The following AIM2 variants were observed in gnomAD, a reference collection of about 807,000 sequenced individuals.
The protein encoded by AIM2 is interferon-inducible protein AIM2.
AIM2 carries 30 observed loss-of-function variants against 27.7 expected under a neutral mutation model. The observed-to-expected ratio is 1.08, with a 90% confidence interval of 0.81 to 1.47. The LOEUF is 1.47. AIM2 is among the 40% of genes most tolerant of loss of function. AIM2 has a pLI of 0.00. For synonymous variants in AIM2, 141 were observed against 145.3 expected (o/e 0.97, Z 0.21); for missense variants, 358 against 411.3 (o/e 0.87, Z 1.12).
chr1:159,072,015 A>G lies in AIM2; in HGVS notation c.262+1223T>C, dbSNP rs1656382193. On this transcript the variant is annotated intron_variant, in intron 2 of 5. Transcript: ENST00000368130. ...AAATTTTGTTCTATCCTGGTCAAAGAGAAGAATTAATTCTTGATTTATTAC... is the reference window on the plus strand; with the variant it reads ...AAATTTTGTTCTATCCTGGTCAAAGGGAAGAATTAATTCTTGATTTATTAC... 2.0e-5 allele frequency among the ~76,000 whole-genome samples: 3 copies of G among 152,336 alleles called. No homozygotes were observed. The South Asian group carries it at 6.2e-4, about 32-fold the overall frequency.
At chr1:159,126,478 T>C (rs985439653) in intron 1 of AIM2, among the ~76,000 whole-genome samples, 3 of 151,874 alleles carry the variant, frequency 2.0e-5, no homozygotes, top group African/African-American at 7.3e-5. Context: ...AAACCCTGTC[T>C]CTACTAAAAA....
chr1:159,077,244 CG>C (rs1200412596), upstream of AIM2, among the ~76,000 whole-genome samples: 1 of 152,170 alleles, frequency 6.6e-6, no homozygotes, highest in Non-Finnish European at 1.5e-5. Flanking sequence ...ATGTGGTTCA[CG>C]TACTATATGA....
intron 2 of AIM2, 61 bp downstream of exon 2, chr1:159,073,177 A>G: frequency 1.9e-6 from 3 of 1,595,118 alleles, no homozygotes; most frequent in Non-Finnish European, 1.7e-6. Flanking sequence ...GGATGCCATG[A>G]AAGGAAAGGC....
At chr1:159,125,877 T>C (rs1265927534) in intron 1 of AIM2, among the ~76,000 whole-genome samples, 2 of 152,132 alleles carry the variant, frequency 1.3e-5, no homozygotes, top group Non-Finnish European at 2.9e-5. Context: ...CATCCAGATT[T>C]CCATGACCTT....
At chr1:159,092,632 A>C (rs1657073084) in intron 1 of AIM2, among the ~76,000 whole-genome samples, 1 of 152,188 alleles carries the variant, frequency 6.6e-6, no homozygotes, top group South Asian at 2.1e-4. Flanking sequence ...GGGAATAGGA[A>C]CAATTGTACC....
chr1:159,103,492 T>C (rs1265185594), intron 1 of AIM2, among the ~76,000 whole-genome samples: 1 of 152,056 alleles, frequency 6.6e-6, no homozygotes, highest in Non-Finnish European at 1.5e-5. Context: ...TCCAGGTCAA[T>C]CTGGAGAGAC....
intron 1 of AIM2, among the ~76,000 whole-genome samples, chr1:159,113,771 C>A (rs1647254588): frequency 6.6e-6 from 1 of 152,060 alleles, no homozygotes; most frequent in African/African-American, 2.4e-5. Flanking sequence ...CAGGGATGAC[C>A]ATGTATTTTG....
intron 1 of AIM2, among the ~76,000 whole-genome samples, chr1:159,101,596 T>G (rs1363261185): frequency 1.3e-5 from 2 of 152,188 alleles, no homozygotes; most frequent in African/African-American, 4.8e-5. Flanking sequence ...GTTTGGAACT[T>G]GCTAGAGACT....
downstream of AIM2, among the ~76,000 whole-genome samples, chr1:159,058,241 TG>T (rs1377465625): frequency 6.6e-6 from 1 of 151,538 alleles, no homozygotes; most frequent in African/African-American, 2.4e-5. Flanking sequence ...CCCAGCTACT[TG>T]GGAGGCTAAG....
At chr1:159,059,417 T>A (rs1187486971), downstream of AIM2, among the ~76,000 whole-genome samples, 1 of 152,184 alleles carries the variant, frequency 6.6e-6, no homozygotes, top group Non-Finnish European at 1.5e-5. Context: ...ATACTGAAGT[T>A]CAGAGAGATT....
At chr1:159,100,458 G>A (rs1189357695) in intron 1 of AIM2, among the ~76,000 whole-genome samples, 1 of 152,120 alleles carries the variant, frequency 6.6e-6, no homozygotes, top group Admixed American at 6.5e-5. Context: ...GAAAGAAAGA[G>A]TGCATGAAAT....
chr1:159,125,386 T>C (rs1647658395), intron 1 of AIM2, among the ~76,000 whole-genome samples: 2 of 152,362 alleles, frequency 1.3e-5, no homozygotes, highest in Non-Finnish European at 2.9e-5. Flanking sequence ...ACATTTCTCC[T>C]ACTAGAATGT....
rs537234186 is a variant in AIM2 at position 159,126,878 on chromosome 1, T to C, written c.-16+13553A>G. Among the ~76,000 whole-genome samples, 23 of 152,280 alleles carry C rather than the reference T, an allele frequency of 1.5e-4. No individual in the cohort carries two copies. In the East Asian group the frequency reaches 4.1e-3, roughly 27 times the overall value. On this transcript the variant is annotated intron_variant, in intron 1 of 2. Coordinates refer to the AIM2 transcript ENST00000368129. ...TCAAAGGCAGAATGCATTAATACAT[T>C]GTGTTATACTCACACCATGGAGCAT...
downstream of AIM2, among the ~76,000 whole-genome samples, chr1:159,059,100 G>A (rs780946308): frequency 6.6e-6 from 1 of 152,184 alleles, no homozygotes; most frequent in African/African-American, 2.4e-5. Context: ...GAAAAGAGAC[G>A]TTAAAGTTTA....
At chr1:159,074,735 A>G (rs1377082981) in intron 1 of AIM2, among the ~76,000 whole-genome samples, 2 of 152,180 alleles carry the variant, frequency 1.3e-5, no homozygotes, top group Admixed American at 6.5e-5. Context: ...AATAGCAACA[A>G]AACTACAAAG....
At chr1:159,087,069 A>G (rs980829910) in intron 1 of AIM2, among the ~76,000 whole-genome samples, 1 of 152,240 alleles carries the variant, frequency 6.6e-6, no homozygotes, top group African/African-American at 2.4e-5. Flanking sequence ...ATTTAAATAC[A>G]TAATGAAAAA....
chr1:159,112,000 C>T (rs1657587731), intron 1 of AIM2, among the ~76,000 whole-genome samples: 2 of 151,686 alleles, frequency 1.3e-5, no homozygotes, highest in African/African-American at 4.9e-5. Context: ...CAAGATTGCC[C>T]CACTGCACTC....
At chr1:159,139,467 A>G (rs766998210) in intron 1 of AIM2, among the ~76,000 whole-genome samples, 3 of 152,210 alleles carry the variant, frequency 2.0e-5, no homozygotes, top group Non-Finnish European at 4.4e-5. Context: ...ATATTTGCAC[A>G]GTGCTGTACA....
intron 1 of AIM2, among the ~76,000 whole-genome samples, chr1:159,106,832 C>T (rs549554821): frequency 6.6e-6 from 1 of 152,360 alleles, no homozygotes; most frequent in Admixed American, 6.5e-5. Flanking sequence ...TCTCTGGGCT[C>T]TGTTTCCTCA....
Sources: gnomAD v4.1 joint callset for allele counts (sites outside exome capture counted in the v4.1 genomes callset) on GRCh38, gnomAD v4.1.1 for gene constraint, MANE v1.5 for transcripts, NCBI Gene and HGNC (gene_info 2026-07-23, HGNC 2026-07-21) for gene names.